PDE4A: variants seen among roughly 807,000 people sequenced by gnomAD.
PDE4A encodes the protein 3',5'-cyclic-AMP phosphodiesterase 4A.
Under a neutral mutation model 73.9 loss-of-function variants are expected in PDE4A, and 21 were observed. That is an observed-to-expected ratio of 0.28 (90% CI 0.20 to 0.41). The LOEUF (loss-of-function observed/expected upper bound fraction) is 0.41, where lower values mean the gene tolerates loss of function less well. PDE4A is among the 10% of genes least tolerant of loss of function. The pLI, the probability that PDE4A is intolerant of heterozygous loss-of-function variation, is 1.00. For missense variants in PDE4A, 958 were observed against 1,211.4 expected, an observed-to-expected ratio of 0.79 and a Z score of 3.10; for synonymous variants, 463 against 505.4, an observed-to-expected ratio of 0.92 and a Z score of 1.13.
At chr19:10,432,888 C>G (rs2042814258) in intron 1 of PDE4A, among the ~76,000 whole-genome samples, 1 of 152,166 alleles carries the variant, frequency 6.6e-6, no homozygotes, top group Non-Finnish European at 1.5e-5. Flanking sequence ...GTCACCTGGG[C>G]TCCACTCCCA....
Position 10,467,909 on chromosome 19 carries a change from GA to G in PDE4A, c.*298del, listed in dbSNP as rs1322855997. On this transcript the variant is annotated 3_prime_UTR_variant, in exon 15 of 15. Transcript: ENST00000380702. Reference sequence around the variant, plus strand: ...CATTTTTAGAAAAAGAACAAAAAAAGAAAAAAAAAAGAAAGAAACACAGCAA... The same window carrying G: ...CATTTTTAGAAAAAGAACAAAAAAAGAAAAAAAAAGAAAGAAACACAGCAA... 1.5e-3 allele frequency: 350 copies of G among 240,710 alleles called. No homozygotes were observed. The highest frequency in any genetic ancestry group is 6.1e-3 in the Middle Eastern group (5 of 820). The allele number at this position is 240,710 out of a possible 1,614,324, so 14.9% of individuals were successfully genotyped here.
intron 1 of PDE4A, among the ~76,000 whole-genome samples, chr19:10,431,612 GGC>G (rs1469481669): frequency 6.6e-6 from 1 of 152,228 alleles, no homozygotes; most frequent in African/African-American, 2.4e-5. Flanking sequence ...ATATCCTGGA[GGC>G]AGAAGTTGGC....
At chr19:10,425,919 G>A (rs369153937) in intron 1 of PDE4A, among the ~76,000 whole-genome samples, 26 of 149,324 alleles carry the variant, frequency 1.7e-4, no homozygotes, top group Non-Finnish European at 3.7e-4. Flanking sequence ...CCTGGAAGGC[G>A]GAGGTTGCGG....
chr19:10,427,648 AC>A (rs770572620), intron 1 of PDE4A: 175 of 982,578 alleles, frequency 1.8e-4, no homozygotes, highest in Non-Finnish European at 2.0e-4. Context: ...CTGAAGCCAG[AC>A]AGCTGGGTCC....
intron 1 of PDE4A, chr19:10,431,137 C>T (rs1355071923): frequency 1.0e-5 from 13 of 1,281,724 alleles, no homozygotes; most frequent in East Asian, 2.9e-5. Flanking sequence ...GGCCACCTGG[C>T]GCACTCCAGG....
Position 10,457,963 on chromosome 19 carries a change from C to A in PDE4A, c.962C>A (p.Pro321Gln). 6.2e-7 allele frequency: 1 copy of A among 1,613,646 alleles called. No individual in the cohort carries two copies. The highest frequency in any genetic ancestry group is 8.5e-7 in the Non-Finnish European group (1 of 1,179,888). The change falls in exon 8 of 15, where the codon CCG (proline) becomes CAG (glutamine). Residue 321 changes from proline to glutamine, a missense_variant. Around this residue, in one of 3 missense-constraint regions of PDE4A, gnomAD observed 570 missense variants for 827.7 expected, o/e 0.69. Coordinates refer to ENST00000380702, the MANE Select transcript of PDE4A (RefSeq NM_001111307.2). ...GCGCCGCGACCAAGACCCTCCCAGCCGCCCCCGCCCCCTGTACCACACTTA... is the reference window on the plus strand; with the variant it reads ...GCGCCGCGACCAAGACCCTCCCAGCAGCCCCCGCCCCCTGTACCACACTTA... ...QQAPRPRPSQ[P>Q]PPPPVPHLQP...
At chr19:10,446,128 G>A (rs941356375) in intron 1 of PDE4A, 90 bp from the exon 2 acceptor site, 29 of 1,491,740 alleles carry the variant, frequency 1.9e-5, no homozygotes, top group East Asian at 2.5e-5. Context: ...CATTACAGGC[G>A]TGAGCCACCG....
chr19:10,459,309 T>C, intron 8 of PDE4A, 91 bp from the exon 9 acceptor site: 2 of 1,588,620 alleles, frequency 1.3e-6, no homozygotes, highest in African/African-American at 2.7e-5. Context: ...TAATGGTGCT[T>C]CCTTCAGACC....
At chr19:10,430,817 C>T in intron 1 of PDE4A, 1 of 996,108 alleles carries the variant, frequency 1.0e-6, no homozygotes, top group Non-Finnish European at 1.2e-6. Flanking sequence ...CTCCCCAGCG[C>T]CCGCCGAGGC....
At chr19:10,440,782 AG>A (rs1257652123) in intron 1 of PDE4A, among the ~76,000 whole-genome samples, 1 of 151,810 alleles carries the variant, frequency 6.6e-6, no homozygotes, top group Non-Finnish European at 1.5e-5. Flanking sequence ...TATGTTTAGT[AG>A]AGACAGGGTT....
chr19:10,422,063 T>C (rs1187147353), intron 1 of PDE4A, among the ~76,000 whole-genome samples: 1 of 152,148 alleles, frequency 6.6e-6, no homozygotes, highest in East Asian at 1.9e-4. Flanking sequence ...CCAAGAATGC[T>C]GTGACTGTCA....
At chr19:10,444,393 G>A (rs1385339843) in intron 1 of PDE4A, among the ~76,000 whole-genome samples, 2 of 151,944 alleles carry the variant, frequency 1.3e-5, no homozygotes, top group African/African-American at 4.8e-5. Flanking sequence ...AGCTACTCGG[G>A]AGACTAAGGC....
chr19:10,433,749 G>A (rs1049966029), intron 1 of PDE4A, among the ~76,000 whole-genome samples: 11 of 152,182 alleles, frequency 7.2e-5, no homozygotes, highest in African/African-American at 2.7e-4. Flanking sequence ...ACCAGCACCC[G>A]CCTTCAACCT....
rs118115488 is a variant in PDE4A at position 10,446,221 on chromosome 19, C to T, written c.324C>T (p.Phe108=). 0.067 allele frequency: 105,076 copies of T among 1,565,296 alleles called. 3,902 individuals are homozygous for T. Among genetic ancestry groups the T allele is most frequent in the Non-Finnish European group, 0.075 (87,149 of 1,155,072 alleles). Residue 108 remains phenylalanine (F), a synonymous_variant, in exon 2 of 15, where the codon TTC becomes TTT. Transcript: ENST00000380702. ...TCTTCTCGCCCATCCCCTGCAGCTT[C>T]GAGGCAGAGAATGGGCCGACACCAT... ...GGAGGGSSRR[F]EAENGPTPSP... is the part of the protein sequence containing the mutation.
chr19:10,449,017 C>T, intron 3 of PDE4A, 63 bp from the exon 4 acceptor site: 1 of 1,611,098 alleles, frequency 6.2e-7, no homozygotes, highest in Non-Finnish European at 8.5e-7. Flanking sequence ...CACTTGGGGA[C>T]AGGGCCCAGC....
At chr19:10,451,899 CA>C (rs1351363391) in intron 6 of PDE4A, among the ~76,000 whole-genome samples, 1 of 151,836 alleles carries the variant, frequency 6.6e-6, no homozygotes, top group African/African-American at 2.4e-5. Flanking sequence ...GTGCTTACAG[CA>C]GTGGGTGGAG....
chr19:10,457,066 C>T (rs938475079), intron 7 of PDE4A, among the ~76,000 whole-genome samples: 11 of 152,106 alleles, frequency 7.2e-5, no homozygotes, highest in African/African-American at 1.7e-4. Flanking sequence ...GGCGCGGTGG[C>T]GGGTGCCTGT....
At chr19:10,437,552 T>C (rs2042881882) in intron 1 of PDE4A, among the ~76,000 whole-genome samples, 1 of 151,916 alleles carries the variant, frequency 6.6e-6, no homozygotes, top group Non-Finnish European at 1.5e-5. Flanking sequence ...CTTGAGTAGC[T>C]GGGACTATAC....
At chr19:10,418,799 C>T, upstream of PDE4A, 2 of 985,362 alleles carry the variant, frequency 2.0e-6, no homozygotes, top group Non-Finnish European at 2.4e-6. Context: ...TTACAGCATA[C>T]CCCGCCAAGA....
Sources: allele counts gnomAD v4.1 joint callset (sites outside exome capture counted in the v4.1 genomes callset), GRCh38; gene constraint gnomAD v4.1.1; regional missense constraint gnomAD v4.1.1; transcripts MANE v1.5; gene names NCBI Gene and HGNC (gene_info 2026-07-23, HGNC 2026-07-21).